Variants in ATRNL1 observed in about 807,000 individuals in gnomAD.
ATRNL1 encodes attractin like 1.
In ATRNL1, 95 loss-of-function variants were observed where a neutral mutation model predicts 182.7. That is an observed-to-expected ratio of 0.52 (90% CI 0.44 to 0.62). The LOEUF is 0.62. ATRNL1 is among the 20% of genes least tolerant of loss of function. The pLI is 0.00. For missense variants in ATRNL1, 1,471 were observed against 1,679.5 expected (o/e 0.88, Z 2.17); for synonymous variants, 576 against 568.3 (o/e 1.01, Z -0.19).
At chr10:115,532,443 T>C (rs1482917739) in intron 25 of ATRNL1, among the ~76,000 whole-genome samples, 2 of 152,206 alleles carry the variant, frequency 1.3e-5, no homozygotes, top group Non-Finnish European at 2.9e-5. Flanking sequence ...TATTAGTGTA[T>C]AAGAATGCTT....
At chr10:115,206,175 A>G (rs1323528380) in intron 8 of ATRNL1, among the ~76,000 whole-genome samples, 4 of 152,144 alleles carry the variant, frequency 2.6e-5, no homozygotes, top group African/African-American at 9.6e-5. Flanking sequence ...TGATAAAACC[A>G]TAGTCATTTA....
At chr10:115,455,869 C>G (rs369165195) in intron 21 of ATRNL1, among the ~76,000 whole-genome samples, 1 of 151,800 alleles carries the variant, frequency 6.6e-6, no homozygotes, top group African/African-American at 2.4e-5. Context: ...CTGTGGCCAA[C>G]AAAAATATGA....
At chr10:115,639,059 C>T (rs550941415) in intron 26 of ATRNL1, among the ~76,000 whole-genome samples, 3 of 152,136 alleles carry the variant, frequency 2.0e-5, no homozygotes, top group South Asian at 2.1e-4. Flanking sequence ...CAATTGAACA[C>T]CAAAGAGGTT....
intron 19 of ATRNL1, among the ~76,000 whole-genome samples, chr10:115,363,311 G>A (rs1471060120): frequency 2.6e-5 from 4 of 151,898 alleles, no homozygotes; most frequent in Non-Finnish European, 5.9e-5. Flanking sequence ...CTGCATAAAT[G>A]TCTTCTTTTG....
intron 26 of ATRNL1, among the ~76,000 whole-genome samples, chr10:115,576,672 C>A (rs1415957564): frequency 6.6e-6 from 1 of 151,982 alleles, no homozygotes; most frequent in Non-Finnish European, 1.5e-5. Context: ...CGTTTTCTCC[C>A]AATCCATTAA....
intron 28 of ATRNL1, among the ~76,000 whole-genome samples, chr10:115,886,917 T>G (rs2134453372): frequency 6.6e-6 from 1 of 152,342 alleles, no homozygotes; most frequent in South Asian, 2.1e-4. Flanking sequence ...GATGTTTCTG[T>G]CAAATTTGAG....
chr10:115,370,338 G>A (rs1400690658), intron 19 of ATRNL1, among the ~76,000 whole-genome samples: 4 of 152,334 alleles, frequency 2.6e-5, no homozygotes, highest in Non-Finnish European at 5.9e-5. Context: ...TACAGGCCAA[G>A]GTTGGAACAG....
At chr10:115,110,834 TATTA>T (rs1463692082) in intron 1 of ATRNL1, among the ~76,000 whole-genome samples, 1 of 152,250 alleles carries the variant, frequency 6.6e-6, no homozygotes, top group Non-Finnish European at 1.5e-5. Context: ...GATTGTCATT[TATTA>T]ATTTAAGCTT....
intron 26 of ATRNL1, among the ~76,000 whole-genome samples, chr10:115,671,199 T>G (rs1348819355): frequency 1.3e-5 from 2 of 152,128 alleles, no homozygotes; most frequent in African/African-American, 4.8e-5. Flanking sequence ...TTAGAAGTCT[T>G]CTTTTTGCCC....
At chr10:115,495,381 G>C (rs570856846) in intron 24 of ATRNL1, among the ~76,000 whole-genome samples, 1 of 152,166 alleles carries the variant, frequency 6.6e-6, no homozygotes, top group African/African-American at 2.4e-5. Context: ...GTATGCCCTT[G>C]TATATCTAGT....
At chr10:115,152,787 T>C (rs1554880996) in intron 5 of ATRNL1, among the ~76,000 whole-genome samples, 1 of 152,168 alleles carries the variant, frequency 6.6e-6, no homozygotes, top group Admixed American at 6.5e-5. Context: ...ATCCCTGTCT[T>C]GTGCCCGTTT....
At chr10:115,184,186 C>T (rs1240948380) in intron 8 of ATRNL1, among the ~76,000 whole-genome samples, 1 of 151,150 alleles carries the variant, frequency 6.6e-6, no homozygotes, top group African/African-American at 2.4e-5. Flanking sequence ...TTAAAAAAAT[C>T]ACATTTCTAA....
At chr10:115,695,183 C>T (rs951569526) in intron 26 of ATRNL1, among the ~76,000 whole-genome samples, 1 of 151,794 alleles carries the variant, frequency 6.6e-6, no homozygotes, top group Admixed American at 6.6e-5. Context: ...AGAAAAGGAC[C>T]GTTGTCAATA....
Position 115,220,724 on chromosome 10 carries a change from T to TGG in ATRNL1, c.1532+4856_1532+4857dup, listed in dbSNP as rs58458401. Among the ~76,000 whole-genome samples, 117 of 20,364 alleles carry TGG rather than the reference T, an allele frequency of 5.7e-3. 3 individuals are homozygous for TGG. The highest frequency in any genetic ancestry group is 0.04 in the East Asian group (7 of 176). The allele number at this position is 20,364 out of a possible 152,430, so 13.4% of individuals were successfully genotyped here. A position where few individuals can be genotyped will look rare whatever the true frequency, so the allele number is the denominator to read the frequency against. ...TGGACAGAAATGGTAAATAAAATAATGGGGGGGGGGGGGCGGGGTCAGGCA... is the reference window on the plus strand; with the variant it reads ...TGGACAGAAATGGTAAATAAAATAATGGGGGGGGGGGGGGGCGGGGTCAGGCA... On this transcript the variant is annotated intron_variant, in intron 9 of 28. Coordinates refer to ENST00000355044, the MANE Select transcript of ATRNL1 (RefSeq NM_207303.4).
chr10:115,738,149 T>TG (rs1948025212), intron 27 of ATRNL1, among the ~76,000 whole-genome samples: 1 of 117,640 alleles, frequency 8.5e-6, no homozygotes. Context: ...TTTTTTTTTT[T>TG]TTTTTTTGAG....
At position 115,122,019 on chromosome 10, in the gene ATRNL1, G is replaced by A. The variant is rs563748375; in HGVS notation, c.491+207G>A. ...ATATAACATAAATAAGTACTATATT[G>A]GAAATATAGATTTCTTTCTAAATAT... On this transcript the variant is annotated intron_variant, in intron 3 of 28. Transcript: ENST00000355044. Among the ~76,000 whole-genome samples, 18 of 151,638 alleles carry A rather than the reference G, an allele frequency of 1.2e-4. No individual in the cohort carries two copies. In the East Asian group the frequency reaches 3.3e-3, roughly 28 times the overall value.
intron 18 of ATRNL1, among the ~76,000 whole-genome samples, chr10:115,334,077 G>A (rs1466059514): frequency 2.0e-5 from 3 of 152,096 alleles, no homozygotes; most frequent in African/African-American, 4.8e-5. Context: ...AGAGGTTAAG[G>A]TAAAATTTCA....
At chr10:115,600,521 GTTTCTC>G (rs1178265010) in intron 26 of ATRNL1, among the ~76,000 whole-genome samples, 1 of 151,924 alleles carries the variant, frequency 6.6e-6, no homozygotes, top group East Asian at 1.9e-4. Flanking sequence ...CTTTTCATCT[GTTTCTC>G]TTTTGTCATG....
At chr10:115,786,630 A>T (rs1555080479) in intron 27 of ATRNL1, among the ~76,000 whole-genome samples, 1 of 152,148 alleles carries the variant, frequency 6.6e-6, no homozygotes, top group Non-Finnish European at 1.5e-5. Flanking sequence ...AATTAATTAT[A>T]TCTGCAAAGA....
Sources: gnomAD v4.1 joint callset for allele counts (sites outside exome capture counted in the v4.1 genomes callset) on GRCh38, gnomAD v4.1.1 for gene constraint, MANE v1.5 for transcripts, NCBI Gene and HGNC (gene_info 2026-07-23, HGNC 2026-07-21) for gene names.